The following DYNC2I1 variants were observed in gnomAD, a reference collection of about 807,000 sequenced individuals.
The protein encoded by DYNC2I1 is cytoplasmic dynein 2 intermediate chain 1.
Under a neutral mutation model 133.4 loss-of-function variants are expected in DYNC2I1, and 89 were observed. The ratio of observed to expected loss-of-function variants is 0.67; its 90% CI spans 0.56 to 0.80. The LOEUF is 0.80. Ranked by LOEUF, DYNC2I1 falls within the 30% of genes least tolerant of loss-of-function variation. The probability of loss-of-function intolerance (pLI) is 0.00; values close to 1 mark genes in which losing one functional copy is unlikely to be tolerated. For missense variants in DYNC2I1, 1,291 were observed against 1,314.5 expected (o/e 0.98, Z 0.28); for synonymous variants, 504 against 484.3 (o/e 1.04, Z -0.54).
rs1850348995 is a variant in DYNC2I1 at position 158,932,710 on chromosome 7, CAGGG to C, written c.2547-1416_2547-1413del. On this transcript the variant is annotated intron_variant, in intron 21 of 24. Coordinates refer to ENST00000407559, the MANE Select transcript of DYNC2I1 (RefSeq NM_018051.5). ...GGAACAGAGGAAGGGAGGCTGGAGT[CAGGG>C]AGAGCAGTTAGGAGGCTTCTGGAGT... 2.0e-5 allele frequency among the ~76,000 whole-genome samples: 3 copies of C among 152,170 alleles called. No individual in the cohort carries two copies. In the South Asian group the frequency reaches 6.2e-4, roughly 32 times the overall value.
intron 15 of DYNC2I1, 30 bp from the exon 16 acceptor site, chr7:158,922,347 G>A (rs2129486551): frequency 3.1e-6 from 5 of 1,598,832 alleles, no homozygotes; most frequent in Non-Finnish European, 4.3e-6. Flanking sequence ...GCAGGTCGTT[G>A]AAATGTGAAC....
Position 158,939,262 on chromosome 7 carries a change from CA to C in DYNC2I1, c.2779-2654del, listed in dbSNP as rs1044748845. ...TTGAGCAACATAGACCTCATCTCTA[CA>C]AAAAAAAACCCAAACAAAACCAATC... On this transcript the variant is annotated intron_variant, in intron 23 of 24. Coordinates refer to ENST00000407559, the MANE Select transcript of DYNC2I1 (RefSeq NM_018051.5). 1.3e-3 allele frequency among the ~76,000 whole-genome samples: 156 copies of C among 122,070 alleles called. No homozygotes were observed. In the East Asian group the frequency reaches 0.022, roughly 17 times the overall value. 80.1% of individuals were successfully genotyped at this position (122,070 alleles called of 152,430 possible).
intron 8 of DYNC2I1, among the ~76,000 whole-genome samples, chr7:158,899,977 T>A (rs1678428265): frequency 6.6e-6 from 1 of 152,230 alleles, no homozygotes; most frequent in South Asian, 2.1e-4. Context: ...AAAGTCTTTA[T>A]TTCTCCTTCA....
In DYNC2I1 at chr7:158,918,837, C is replaced by T. The variant is rs1848739338; in HGVS notation, c.1889C>T (p.Ser630Phe). The change falls in exon 15 of 25, where the codon TCT (serine) becomes TTT (phenylalanine). Residue 630 changes from serine to phenylalanine, a missense_variant. Coordinates refer to ENST00000407559, the MANE Select transcript of DYNC2I1 (RefSeq NM_018051.5). ...DRALYFSDSS[S>F]QLNTSLPFLQ... ...GCCCTGTATTTTAGTGACAGCTCAT[C>T]TCAGCTGAACACCAGTCTACCATTC... The T allele has an allele frequency of 4.3e-6, 7 of 1,613,820 alleles. No individual in the cohort carries two copies. In the East Asian group the frequency reaches 1.6e-4, roughly 36 times the overall value.
chr7:158,908,666 A>G (rs1405905483), intron 11 of DYNC2I1, among the ~76,000 whole-genome samples: 1 of 152,212 alleles, frequency 6.6e-6, no homozygotes, highest in African/African-American at 2.4e-5. Flanking sequence ...TAGGTGTTGG[A>G]AGAGCTGAGC....
At chr7:158,952,986 C>T (rs1440551947) in intron 4 of DYNC2I1, among the ~76,000 whole-genome samples, 3 of 152,216 alleles carry the variant, frequency 2.0e-5, no homozygotes, top group South Asian at 2.1e-4. Flanking sequence ...GCCAGCATCA[C>T]GCTCCCCCAT....
chr7:158,888,395 T>G (rs1469340776), intron 7 of DYNC2I1, among the ~76,000 whole-genome samples: 2 of 152,028 alleles, frequency 1.3e-5, no homozygotes, highest in Non-Finnish European at 2.9e-5. Context: ...GAGAATAATT[T>G]TTTCTTCTTT....
At chr7:158,909,891 G>C (rs112153942) in intron 11 of DYNC2I1, among the ~76,000 whole-genome samples, 201 of 152,240 alleles carry the variant, frequency 1.3e-3, no homozygotes, top group African/African-American at 4.6e-3. Flanking sequence ...GGTTTTGGTC[G>C]AGCCTCCTGC....
chr7:158,956,274 G>A (rs1228931295), intron 4 of DYNC2I1, among the ~76,000 whole-genome samples: 3 of 152,198 alleles, frequency 2.0e-5, no homozygotes, highest in Admixed American at 6.5e-5. Flanking sequence ...TGTCCAGCAC[G>A]ACCCTGAATC....
At chr7:158,919,774 C>T (rs1313049407) in intron 15 of DYNC2I1, among the ~76,000 whole-genome samples, 1 of 152,214 alleles carries the variant, frequency 6.6e-6, no homozygotes, top group Non-Finnish European at 1.5e-5. Flanking sequence ...AGGGTTTTGT[C>T]TTTTCCTGTT....
At chr7:158,871,713 C>T (rs1339188086) in intron 3 of DYNC2I1, among the ~76,000 whole-genome samples, 151 bp downstream of exon 3, 1 of 152,100 alleles carries the variant, frequency 6.6e-6, no homozygotes. Flanking sequence ...GCTCTGCCCC[C>T]AGGCTAGAGA....
At chr7:158,952,086 T>C (rs1045815539) in intron 4 of DYNC2I1, among the ~76,000 whole-genome samples, 1 of 151,954 alleles carries the variant, frequency 6.6e-6, no homozygotes, top group Non-Finnish European at 1.5e-5. Context: ...AAGGTCGCGG[T>C]GGAAATCCAC....
intron 16 of DYNC2I1, among the ~76,000 whole-genome samples, chr7:158,922,945 A>C (rs1369600191): frequency 6.6e-6 from 1 of 152,038 alleles, no homozygotes; most frequent in African/African-American, 2.4e-5. Flanking sequence ...GAGGTTTCTT[A>C]GACTGCATGG....
chr7:158,857,334 C>T (rs1841365566), intron 1 of DYNC2I1, among the ~76,000 whole-genome samples: 1 of 151,986 alleles, frequency 6.6e-6, no homozygotes, highest in South Asian at 2.1e-4. Flanking sequence ...GTGCATAGAC[C>T]AGTGCCTGCT....
chr7:158,906,206 G>GTA (rs1846792795), intron 11 of DYNC2I1, 115 bp downstream of exon 11: 1 of 884,884 alleles, frequency 1.1e-6, no homozygotes, highest in East Asian at 2.7e-5. Flanking sequence ...TTTTTGGGGT[G>GTA]TATGACTTAA....
At position 158,933,001 on chromosome 7, in the gene DYNC2I1, C is replaced by G. The variant is rs544189051; in HGVS notation, c.2547-1128C>G. Among the ~76,000 whole-genome samples the G allele has an allele frequency of 2.6e-5, 4 of 152,190 alleles. No homozygotes were observed. In the East Asian group the frequency reaches 7.7e-4, roughly 29 times the overall value. ...GTGAGGACAGGCTGAGCTTGTGGTG[C>G]CTGTGGAGATGCCCAGGAGCTAGGG... On this transcript the variant is annotated intron_variant, in intron 21 of 24. Transcript: ENST00000407559.
chr7:158,921,670 A>G (rs1849109163), intron 15 of DYNC2I1, among the ~76,000 whole-genome samples: 1 of 152,058 alleles, frequency 6.6e-6, no homozygotes, highest in African/African-American at 2.4e-5. Flanking sequence ...GGGTAGCAGG[A>G]TGTGAACTGA....
At chr7:158,868,786 C>T (rs548133717) in intron 1 of DYNC2I1, among the ~76,000 whole-genome samples, 2 of 152,362 alleles carry the variant, frequency 1.3e-5, no homozygotes, top group South Asian at 2.1e-4. Context: ...CTTGGCAGGA[C>T]TCTAGAGCTG....
chr7:158,909,966 G>A (rs1213223754), intron 11 of DYNC2I1, among the ~76,000 whole-genome samples: 6 of 152,148 alleles, frequency 3.9e-5, no homozygotes, highest in South Asian at 2.1e-4. Context: ...GGGGGAGGAG[G>A]AGGAGCAGAG....
Sources: gnomAD v4.1 joint callset for allele counts (sites outside exome capture counted in the v4.1 genomes callset) on GRCh38, gnomAD v4.1.1 for gene constraint, MANE v1.5 for transcripts, NCBI Gene and HGNC (gene_info 2026-07-23, HGNC 2026-07-21) for gene names.